Variants in AGBL1 observed in about 807,000 individuals in gnomAD.
The protein encoded by AGBL1 is AGBL carboxypeptidase 1, also known as cytosolic carboxypeptidase 4.
AGBL1 carries 130 observed loss-of-function variants against 118.9 expected under a neutral mutation model. That is an observed-to-expected ratio of 1.09 (90% CI 0.95 to 1.26). AGBL1 has a LOEUF of 1.26. AGBL1 is among the 50% of genes most tolerant of loss of function. The pLI is 0.00. For synonymous variants in AGBL1, 555 were observed against 478.9 expected (o/e 1.16, Z -2.08); for missense variants, 1,584 against 1,298.1 (o/e 1.22, Z -3.38).
intron 23 of AGBL1, among the ~76,000 whole-genome samples, chr15:86,942,457 T>G (rs1315943632): frequency 6.6e-6 from 1 of 152,208 alleles, no homozygotes; most frequent in East Asian, 1.9e-4. Context: ...ACTTGTGGCT[T>G]CTTAGGTTAT....
chr15:86,721,755 C>A (rs563869043), intron 22 of AGBL1, among the ~76,000 whole-genome samples: 12 of 152,264 alleles, frequency 7.9e-5, no homozygotes. Flanking sequence ...ATCTAGAAAA[C>A]CCCATTGTCT....
At chr15:87,010,730 C>T (rs948714897) in intron 24 of AGBL1, among the ~76,000 whole-genome samples, 2 of 152,190 alleles carry the variant, frequency 1.3e-5, no homozygotes, top group Admixed American at 1.3e-4. Flanking sequence ...TACAGCTGCC[C>T]TGGTTCTCTA....
At chr15:86,635,242 T>G (rs1197776388) in intron 21 of AGBL1, among the ~76,000 whole-genome samples, 1 of 125,606 alleles carries the variant, frequency 8.0e-6, no homozygotes, top group Non-Finnish European at 1.7e-5. Context: ...ATTTCTTCTT[T>G]CTCCTCCTCC....
chr15:86,413,791 A>G (rs189677507), intron 18 of AGBL1, among the ~76,000 whole-genome samples: 217 of 152,178 alleles, frequency 1.4e-3, no homozygotes, highest in African/African-American at 5.1e-3. Flanking sequence ...TCGGATGGAT[A>G]GTTTGCAAAT....
At chr15:86,469,639 T>G (rs1249628641) in intron 18 of AGBL1, among the ~76,000 whole-genome samples, 6 of 152,120 alleles carry the variant, frequency 3.9e-5, no homozygotes, top group Non-Finnish European at 8.8e-5. Context: ...CATTGTAGTA[T>G]TTTTTGAAGC....
intron 17 of AGBL1, among the ~76,000 whole-genome samples, chr15:86,312,970 G>A (rs2079942549): frequency 6.6e-6 from 1 of 152,180 alleles, no homozygotes; most frequent in Non-Finnish European, 1.5e-5. Flanking sequence ...AAAAGAAAAG[G>A]ATTTATGCGT....
chr15:86,216,708 C>T (rs1031606789), intron 5 of AGBL1, among the ~76,000 whole-genome samples: 2 of 152,114 alleles, frequency 1.3e-5, no homozygotes, highest in African/African-American at 4.8e-5. Flanking sequence ...TCTTGTCTTC[C>T]TAGTCCTTTA....
chr15:86,296,969 T>G (rs2079655115), intron 17 of AGBL1: 1 of 152,204 alleles, frequency 6.6e-6, no homozygotes, highest in African/African-American at 2.4e-5. Flanking sequence ...TGTGCTGACA[T>G]TGGTGTTTTT....
chr15:86,320,496 T>A (rs903777961), intron 17 of AGBL1, among the ~76,000 whole-genome samples: 23 of 152,110 alleles, frequency 1.5e-4, no homozygotes, highest in African/African-American at 5.5e-4. Flanking sequence ...ATTTAAATAA[T>A]TTTTGCAAAA....
rs74980132 is a variant in AGBL1 at position 86,886,859 on chromosome 15, T to G, written c.3159-20228T>G. On this transcript the variant is annotated intron_variant, in intron 22 of 22. Coordinates refer to ENST00000614907, the MANE Select transcript of AGBL1 (RefSeq NM_001386094.1). The stretch of plus-strand genomic sequence containing the variant: ...CTAATGAAGGGATTAGGTAGGACCA[T>G]GTAGTTGAAAACTCAGACGAAGAAA... Among the ~76,000 whole-genome samples the G allele has an allele frequency of 3.8e-3, 571 of 152,258 alleles. 5 individuals carry two copies. Among genetic ancestry groups the G allele is most frequent in the African/African-American group, 0.013 (529 of 41,556 alleles).
At chr15:86,734,450 A>G (rs1309972574) in intron 22 of AGBL1, among the ~76,000 whole-genome samples, 5 of 152,160 alleles carry the variant, frequency 3.3e-5, no homozygotes, top group African/African-American at 4.8e-5. Flanking sequence ...GAACTGTTAT[A>G]TGAAGGGAGG....
Position 86,298,336 on chromosome 15 carries a change from C to CT in AGBL1, c.2374+2929dup, listed in dbSNP as rs1567185869. 1.5e-3 allele frequency among the ~76,000 whole-genome samples: 170 copies of CT among 111,378 alleles called. 2 individuals are homozygous for CT. Among genetic ancestry groups the CT allele is most frequent in the African/African-American group, 5.3e-3 (151 of 28,668 alleles). 73.1% of individuals were successfully genotyped at this position (111,378 alleles called of 152,430 possible). A position where few individuals can be genotyped will look rare whatever the true frequency, so the allele number is the denominator to read the frequency against. On this transcript the variant is annotated intron_variant, in intron 17 of 22. Coordinates refer to ENST00000614907, the MANE Select transcript of AGBL1 (RefSeq NM_001386094.1). Reference sequence around the variant, plus strand: ...ATATAGGTAACTATATATATGGTAACTATATATATATGAATATATTCTTAT... The same window carrying CT: ...ATATAGGTAACTATATATATGGTAACTTATATATATATGAATATATTCTTAT...
At chr15:86,854,423 C>T (rs768268531) in intron 22 of AGBL1, among the ~76,000 whole-genome samples, 1 of 152,138 alleles carries the variant, frequency 6.6e-6, no homozygotes, top group Non-Finnish European at 1.5e-5. Context: ...ATTTCTCTGG[C>T]TCCTTAATTA....
chr15:86,375,959 T>C (rs2141952097), intron 17 of AGBL1, among the ~76,000 whole-genome samples: 1 of 152,298 alleles, frequency 6.6e-6, no homozygotes, highest in South Asian at 2.1e-4. Context: ...CAGAGTCTGG[T>C]GAGCCAGGCA....
chr15:86,536,744 G>T (rs745463866), intron 19 of AGBL1, among the ~76,000 whole-genome samples: 1 of 152,146 alleles, frequency 6.6e-6, no homozygotes, highest in South Asian at 2.1e-4. Flanking sequence ...GAGGGTAACC[G>T]CTTAGAAAGC....
chr15:86,998,736 G>C (rs904539121), intron 24 of AGBL1, among the ~76,000 whole-genome samples: 4 of 152,098 alleles, frequency 2.6e-5, no homozygotes, highest in African/African-American at 9.7e-5. Context: ...GTAAGGCTTT[G>C]GTTGAGATAT....
chr15:86,854,382 A>G (rs1458473389), intron 22 of AGBL1, among the ~76,000 whole-genome samples: 2 of 152,114 alleles, frequency 1.3e-5, no homozygotes, highest in Non-Finnish European at 2.9e-5. Context: ...CTTTCAGCAG[A>G]AGAACACAAA....
At chr15:86,321,935 A>G (rs2080111015) in intron 17 of AGBL1, among the ~76,000 whole-genome samples, 1 of 151,950 alleles carries the variant, frequency 6.6e-6, no homozygotes, top group African/African-American at 2.4e-5. Flanking sequence ...AAATTTTCAA[A>G]TATGTGAAGT....
intron 18 of AGBL1, among the ~76,000 whole-genome samples, chr15:86,474,396 T>C (rs951853032): frequency 3.9e-5 from 6 of 152,156 alleles, no homozygotes; most frequent in African/African-American, 1.2e-4. Flanking sequence ...GCTTTTCCAA[T>C]GGTCTTAGCA....
Sources: allele counts gnomAD v4.1 joint callset (sites outside exome capture counted in the v4.1 genomes callset), GRCh38; gene constraint gnomAD v4.1.1; transcripts MANE v1.5; gene names NCBI Gene and HGNC (gene_info 2026-07-23, HGNC 2026-07-21).